NACC2: variants seen among roughly 807,000 people sequenced by gnomAD.
NACC2 encodes nucleus accumbens-associated protein 2.
In NACC2, 8 loss-of-function variants were observed where a neutral mutation model predicts 25.1. The ratio of observed to expected loss-of-function variants is 0.32; its 90% CI spans 0.19 to 0.57. NACC2 has a LOEUF of 0.57. NACC2 is among the 20% of genes least tolerant of loss of function. The pLI is 0.89. For synonymous variants in NACC2, 435 were observed against 294.7 expected (o/e 1.48, Z -4.88); for missense variants, 644 against 650.2 (o/e 0.99, Z 0.10).
At chr9:136,059,298 G>A (rs1200089647) in intron 1 of NACC2, among the ~76,000 whole-genome samples, 1 of 152,184 alleles carries the variant, frequency 6.6e-6, no homozygotes, top group Non-Finnish European at 1.5e-5. Context: ...CTAAGCAAGG[G>A]GCACAGCCAT....
intron 1 of NACC2, among the ~76,000 whole-genome samples, chr9:136,072,563 A>G (rs533665345): frequency 6.6e-6 from 1 of 152,168 alleles, no homozygotes; most frequent in Admixed American, 6.5e-5. Flanking sequence ...AAAGAAAAGA[A>G]AAAAAAGGCT....
intron 2 of NACC2, among the ~76,000 whole-genome samples, chr9:136,040,880 G>A (rs926864273): frequency 1.3e-5 from 2 of 152,066 alleles, no homozygotes; most frequent in Admixed American, 6.6e-5. Flanking sequence ...AGGACTCCTT[G>A]AGTCTGGGAG....
At chr9:136,080,974 G>C (rs1276445083) in intron 1 of NACC2, among the ~76,000 whole-genome samples, 9 of 152,166 alleles carry the variant, frequency 5.9e-5, no homozygotes, top group Non-Finnish European at 1.2e-4. Context: ...AGCCCCTCCC[G>C]CTGTCTCCCA....
At chr9:136,094,039 C>A (rs890119341) in intron 1 of NACC2, among the ~76,000 whole-genome samples, 2 of 152,240 alleles carry the variant, frequency 1.3e-5, no homozygotes, top group African/African-American at 4.8e-5. Flanking sequence ...GCCGCGCTGG[C>A]GGGCGGGAAC....
intron 3 of NACC2, among the ~76,000 whole-genome samples, chr9:136,014,204 T>A (rs1588555933): frequency 6.6e-6 from 1 of 150,554 alleles, no homozygotes; most frequent in Non-Finnish European, 1.5e-5. Context: ...AAGCAGGGGG[T>A]GGGGAAAGCC....
chr9:136,017,838 C>T (rs933844376), intron 2 of NACC2, among the ~76,000 whole-genome samples: 6 of 152,216 alleles, frequency 3.9e-5, no homozygotes, highest in African/African-American at 1.2e-4. Context: ...GGCTCCTGCA[C>T]ACCCTACCGA....
At chr9:136,045,160 T>C (rs1840701203) in intron 2 of NACC2, among the ~76,000 whole-genome samples, 1 of 152,156 alleles carries the variant, frequency 6.6e-6, no homozygotes, top group Non-Finnish European at 1.5e-5. Context: ...CCCATGGAAG[T>C]GGGTACCCAG....
Position 136,050,120 on chromosome 9 carries a change from C to G in NACC2, c.402G>C (p.Val134=). 1.3e-6 allele frequency: 1 copy of G among 761,516 alleles called. No individual in the cohort carries two copies. Among genetic ancestry groups the G allele is most frequent in the East Asian group, 2.5e-5 (1 of 40,794 alleles). 47.2% of individuals were successfully genotyped at this position (761,516 alleles called of 1,614,324 possible). The change falls in exon 2 of 6, where the codon GTG becomes GTC. Residue 134 remains valine (V), a synonymous_variant. Coordinates refer to ENST00000277554, the MANE Select transcript of NACC2 (RefSeq NM_144653.5). ...GGGGCTCGGAGCCGGCGTCCTCGAT[C>G]ACAGCGGTCTGCGAGTCGCAGTGGG... ...SSPHCDSQTA[V]IEDAGSEPQS... is the part of the protein sequence containing the mutation.
chr9:136,054,578 G>A (rs963781671), intron 1 of NACC2, among the ~76,000 whole-genome samples: 18 of 152,174 alleles, frequency 1.2e-4, no homozygotes, highest in Non-Finnish European at 2.1e-4. Flanking sequence ...GGAGGGGGCC[G>A]AGGGCCCAGG....
chr9:136,012,801 G>A (rs909518089), intron 5 of NACC2, among the ~76,000 whole-genome samples: 16 of 152,214 alleles, frequency 1.1e-4, no homozygotes, highest in Admixed American at 4.6e-4. Context: ...GGCCGGGGGC[G>A]GCGGTCTGCC....
chr9:136,031,565 T>C (rs890509065), intron 2 of NACC2, among the ~76,000 whole-genome samples: 1 of 152,160 alleles, frequency 6.6e-6, no homozygotes, highest in African/African-American at 2.4e-5. Context: ...CTCGAACTCC[T>C]GAGCTCAAGT....
chr9:136,012,894 A>T (rs1156621224), intron 5 of NACC2, among the ~76,000 whole-genome samples: 1 of 152,236 alleles, frequency 6.6e-6, no homozygotes, highest in Non-Finnish European at 1.5e-5. Context: ...GGCTCAAAAT[A>T]ACCGCAAAAT....
intron 1 of NACC2, among the ~76,000 whole-genome samples, chr9:136,069,897 T>C (rs1455784401): frequency 2.0e-5 from 3 of 151,768 alleles, no homozygotes; most frequent in Non-Finnish European, 4.4e-5. Flanking sequence ...TAAACAAGGA[T>C]AGAACTAGAT....
Position 136,013,376 on chromosome 9 carries a change from CT to C in NACC2, c.1158-81del. 1 of 1,338,924 alleles carries C rather than the reference CT, an allele frequency of 7.5e-7. No individual in the cohort carries two copies. The highest frequency in any genetic ancestry group is 1.0e-6 in the Non-Finnish European group (1 of 954,438). 82.9% of individuals were successfully genotyped at this position (1,338,924 alleles called of 1,614,324 possible). A position where few individuals can be genotyped will look rare whatever the true frequency, so the allele number is the denominator to read the frequency against. ...GAGGCGACCCGCCCGCACGAATGCC[CT>C]GCTGGGAGGCCACTTGGCCTCACCC... On this transcript the variant is annotated intron_variant, in intron 4 of 5. Coordinates refer to ENST00000277554, the MANE Select transcript of NACC2 (RefSeq NM_144653.5). The surrounding 1 kb of genome is among the most constrained non-coding windows in gnomAD (Gnocchi z 6.6).
chr9:136,011,380 A>C lies in NACC2; in HGVS notation c.*136T>G, dbSNP rs1413156748. 2.0e-6 allele frequency: 2 copies of C among 994,844 alleles called. No homozygotes were observed. Among genetic ancestry groups the C allele is most frequent in the Admixed American group, 6.3e-5 (2 of 31,634 alleles). 61.6% of individuals were successfully genotyped at this position (994,844 alleles called of 1,614,324 possible). Reference sequence around the variant, plus strand: ...GTTTCCTTCATCAATTTTAAATACAAGCAGAATAAAAATCACATTTTTCTC... The same window carrying C: ...GTTTCCTTCATCAATTTTAAATACACGCAGAATAAAAATCACATTTTTCTC... On this transcript the variant is annotated 3_prime_UTR_variant, in exon 6 of 6. Transcript: ENST00000277554.
At chr9:136,045,883 G>T (rs1013570351) in intron 2 of NACC2, among the ~76,000 whole-genome samples, 1 of 152,154 alleles carries the variant, frequency 6.6e-6, no homozygotes, top group Non-Finnish European at 1.5e-5. Flanking sequence ...CGCAGCTGGG[G>T]AGCCCCCACC....
chr9:136,011,491 C>A lies in NACC2; in HGVS notation c.*25G>T. Reference sequence around the variant, plus strand: ...CATGCAAGCAGCTCTAGTACTCGGTCCCTCGCGCAGCCACCCAGCTCCGCT... The same window carrying A: ...CATGCAAGCAGCTCTAGTACTCGGTACCTCGCGCAGCCACCCAGCTCCGCT... On this transcript the variant is annotated 3_prime_UTR_variant, in exon 6 of 6. Coordinates refer to ENST00000277554, the MANE Select transcript of NACC2 (RefSeq NM_144653.5). 1.5e-6 allele frequency: 2 copies of A among 1,355,208 alleles called. No homozygotes were observed. Among genetic ancestry groups the A allele is most frequent in the South Asian group, 4.2e-5 (2 of 47,592 alleles). 83.9% of individuals were successfully genotyped at this position (1,355,208 alleles called of 1,614,324 possible). A position where few individuals can be genotyped will look rare whatever the true frequency, so the allele number is the denominator to read the frequency against.
intron 1 of NACC2, among the ~76,000 whole-genome samples, chr9:136,082,002 G>A (rs1267262857): frequency 6.6e-6 from 1 of 152,174 alleles, no homozygotes; most frequent in Non-Finnish European, 1.5e-5. Context: ...TGCAGCAAAG[G>A]CCAATCTGCC....
At chr9:136,032,092 G>A (rs1035635402) in intron 2 of NACC2, among the ~76,000 whole-genome samples, 8 of 146,038 alleles carry the variant, frequency 5.5e-5, no homozygotes, top group African/African-American at 2.2e-4. Flanking sequence ...GGATCCCACC[G>A]GCCTTTTCTG....
Sources: allele counts gnomAD v4.1 joint callset (sites outside exome capture counted in the v4.1 genomes callset), GRCh38; gene constraint gnomAD v4.1.1; non-coding constraint Gnocchi (gnomAD v3.1); transcripts MANE v1.5; gene names NCBI Gene and HGNC (gene_info 2026-07-23, HGNC 2026-07-21).